Variants in GAS7 observed in about 807,000 individuals in gnomAD.
GAS7 encodes the protein growth arrest-specific protein 7.
Under a neutral mutation model 71.1 loss-of-function variants are expected in GAS7, and 28 were observed. The ratio of observed to expected loss-of-function variants is 0.39; its 90% CI spans 0.29 to 0.54. The LOEUF is 0.54. Ranked by LOEUF, GAS7 falls within the 20% of genes least tolerant of loss-of-function variation. GAS7 has a pLI of 0.62. For synonymous variants in GAS7, 258 were observed against 245.8 expected (o/e 1.05, Z -0.46); for missense variants, 436 against 627.8 (o/e 0.69, Z 3.27).
chr17:9,942,972 T>A (rs1358477470), intron 7 of GAS7, 149 bp downstream of exon 7: 4 of 570,326 alleles, frequency 7.0e-6, no homozygotes, highest in Non-Finnish European at 1.3e-5. Flanking sequence ...ACCAGATCCA[T>A]CCCAGGCGCC....
chr17:10,043,889 C>T (rs1347409838), intron 1 of GAS7, among the ~76,000 whole-genome samples: 1 of 152,304 alleles, frequency 6.6e-6, no homozygotes, highest in African/African-American at 2.4e-5. Context: ...GCCAAGATTG[C>T]TCCACTGCAC....
chr17:9,979,747 C>T (rs1248761818), intron 3 of GAS7, among the ~76,000 whole-genome samples: 3 of 152,132 alleles, frequency 2.0e-5, no homozygotes, highest in African/African-American at 4.8e-5. Flanking sequence ...CCTCCTTCAC[C>T]GACCACTCTG....
chr17:9,924,306 G>T (rs1177842419), intron 11 of GAS7, among the ~76,000 whole-genome samples: 6 of 152,088 alleles, frequency 3.9e-5, no homozygotes, highest in Non-Finnish European at 4.4e-5. Context: ...CTGAGTAGCT[G>T]ATTCTACAGG....
chr17:9,940,153 TGA>T lies in GAS7; in HGVS notation c.777_778del (p.Gln260GlufsTer49). Reference sequence around the variant, plus strand: ...TTCCTCCTGTGAAGCCAAGGAGTTCTGAGAGAGCTTAGCTAAGTTCTTCGCAT... The same window carrying T: ...TTCCTCCTGTGAAGCCAAGGAGTTCTGAGAGCTTAGCTAAGTTCTTCGCAT... On this transcript the variant is annotated frameshift_variant, in exon 8 of 14. Transcript: ENST00000432992. LOFTEE classifies it high-confidence loss of function. The T allele has an allele frequency of 6.2e-7, 1 of 1,609,918 alleles. No homozygotes were observed. Among genetic ancestry groups the T allele is most frequent in the Non-Finnish European group, 8.5e-7 (1 of 1,176,108 alleles).
intron 11 of GAS7, among the ~76,000 whole-genome samples, chr17:9,921,355 C>T (rs1348296785): frequency 2.0e-5 from 3 of 151,932 alleles, no homozygotes; most frequent in African/African-American, 7.3e-5. Context: ...TGGGGTTTCA[C>T]CATATCGGCC....
intron 3 of GAS7, among the ~76,000 whole-genome samples, chr17:9,978,913 G>A (rs1385517473): frequency 6.6e-6 from 1 of 152,102 alleles, no homozygotes; most frequent in African/African-American, 2.4e-5. Context: ...TAAACATTTA[G>A]GGCCAGGTGA....
At chr17:10,086,560 G>A (rs969637893) in intron 1 of GAS7, among the ~76,000 whole-genome samples, 1 of 152,188 alleles carries the variant, frequency 6.6e-6, no homozygotes, top group Admixed American at 6.5e-5. Context: ...CCAAAGGTAG[G>A]GTAGGGAATG....
At chr17:9,942,974 C>G in intron 7 of GAS7, 147 bp downstream of exon 7, 1 of 569,150 alleles carries the variant, frequency 1.8e-6, no homozygotes, top group Non-Finnish European at 3.2e-6. Flanking sequence ...CAGATCCATC[C>G]CAGGCGCCAT....
intron 1 of GAS7, among the ~76,000 whole-genome samples, chr17:10,110,998 C>T (rs1167522316): frequency 7.2e-5 from 11 of 152,070 alleles, no homozygotes; most frequent in Admixed American, 6.6e-4. Context: ...CATTACGCGT[C>T]GATTAAAAAG....
intron 9 of GAS7, among the ~76,000 whole-genome samples, chr17:9,932,778 A>G (rs1026135729): frequency 6.6e-6 from 1 of 152,172 alleles, no homozygotes; most frequent in Non-Finnish European, 1.5e-5. Flanking sequence ...TTAAGCATCT[A>G]CTACATGCAA....
chr17:9,921,889 G>T (rs951893757), intron 11 of GAS7, among the ~76,000 whole-genome samples: 2 of 151,416 alleles, frequency 1.3e-5, no homozygotes, highest in Non-Finnish European at 2.9e-5. Flanking sequence ...AACCAGGGAG[G>T]CGGAGCTTGC....
intron 1 of GAS7, among the ~76,000 whole-genome samples, chr17:10,042,766 A>T (rs756710541): frequency 7.9e-5 from 12 of 152,316 alleles, no homozygotes; most frequent in Middle Eastern, 6.8e-3. Flanking sequence ...AGGGATAAAA[A>T]ACAAGGGCTT....
intron 1 of GAS7, among the ~76,000 whole-genome samples, chr17:10,044,383 T>C (rs2072917272): frequency 6.6e-6 from 1 of 152,236 alleles, no homozygotes; most frequent in African/African-American, 2.4e-5. Flanking sequence ...GTTACTACAG[T>C]ATATACTATG....
chr17:9,947,610 G>GC (rs1232053240), intron 5 of GAS7, among the ~76,000 whole-genome samples: 1 of 152,082 alleles, frequency 6.6e-6, no homozygotes, highest in African/African-American at 2.4e-5. Flanking sequence ...TGGGCGTAGT[G>GC]GCGCATGCGT....
chr17:10,071,258 G>A lies in GAS7; in HGVS notation c.184-51361C>T, dbSNP rs573875130. On this transcript the variant is annotated intron_variant, in intron 1 of 13. Transcript: ENST00000432992. ...CCGACTCCACCATCCCCTTGGGCAA[G>A]TGGCTTTGCACATCTGAGAAATGGA... Among the ~76,000 whole-genome samples, 28 of 152,290 alleles carry A rather than the reference G, an allele frequency of 1.8e-4. No individual in the cohort carries two copies. The South Asian group carries it at 5.6e-3, about 30-fold the overall frequency.
chr17:9,929,469 T>TTTTA (rs1195364488), intron 9 of GAS7, among the ~76,000 whole-genome samples: 1 of 152,054 alleles, frequency 6.6e-6, no homozygotes, highest in Non-Finnish European at 1.5e-5. Context: ...ACATCAAGTA[T>TTTTA]TTTATTTATT....
intron 1 of GAS7, among the ~76,000 whole-genome samples, chr17:10,189,277 TC>T (rs1376260841): frequency 6.6e-6 from 1 of 152,040 alleles, no homozygotes; most frequent in African/African-American, 2.4e-5. Context: ...ACATTCCAAA[TC>T]CACACACCTC....
At chr17:9,998,023 C>G (rs922922130) in intron 2 of GAS7, among the ~76,000 whole-genome samples, 2 of 152,192 alleles carry the variant, frequency 1.3e-5, no homozygotes, top group Non-Finnish European at 2.9e-5. Flanking sequence ...TACATAGACA[C>G]GATTGATGTC....
rs2072710646 is a variant in GAS7, at chr17:10,034,912, T to A, written c.184-15015A>T. 6.6e-6 allele frequency among the ~76,000 whole-genome samples: 1 copy of A among 152,170 alleles called. No individual in the cohort carries two copies. The highest frequency in any genetic ancestry group is 2.4e-5 in the African/African-American group (1 of 41,454). ...TAGCAACTGGATTTCTGCCCTGGAA[T>A]CCTGGGCTTCTGTCTCTGCATCACC... On this transcript the variant is annotated intron_variant, in intron 1 of 13. Transcript: ENST00000432992. This position sits in a 1 kb window ranked among gnomAD's most constrained non-coding sequence, Gnocchi z 4.4.
Sources: gnomAD v4.1 joint callset for allele counts (sites outside exome capture counted in the v4.1 genomes callset) on GRCh38, gnomAD v4.1.1 for gene constraint, Gnocchi (gnomAD v3.1) non-coding constraint, MANE v1.5 for transcripts, NCBI Gene and HGNC (gene_info 2026-07-23, HGNC 2026-07-21) for gene names.